Variants in ZBTB20 observed in about 807,000 individuals in gnomAD.
ZBTB20 encodes the protein zinc finger and BTB domain-containing protein 20.
In ZBTB20, 9 loss-of-function variants were observed where a neutral mutation model predicts 56.9. The observed-to-expected ratio is 0.16, with a 90% CI of 0.10 to 0.28. The LOEUF is 0.28. Ranked by LOEUF, ZBTB20 falls within the 10% of genes least tolerant of loss-of-function variation. The probability of loss-of-function intolerance (pLI) is 1.00; values close to 1 mark genes in which losing one functional copy is unlikely to be tolerated. For missense variants in ZBTB20, 655 were observed against 1,003.0 expected (o/e 0.65, Z 4.69); for synonymous variants, 417 against 420.7 (o/e 0.99, Z 0.11).
Position 115,087,442 on chromosome 3 carries a change from A to C in ZBTB20, c.-702-16028T>G, listed in dbSNP as rs141647553. On this transcript the variant is annotated intron_variant, in intron 1 of 11. Coordinates refer to ENST00000675478, the MANE Select transcript of ZBTB20 (RefSeq NM_001348800.3). The stretch of plus-strand genomic sequence containing the variant: ...GCTCAGCTAATTCTAATGGTTTTAA[A>C]AGTCTAAATATATTTAATAACTAGC... 4.6e-3 allele frequency among the ~76,000 whole-genome samples: 704 copies of C among 152,004 alleles called. 5 individuals carry two copies. Among genetic ancestry groups the C allele is most frequent in the South Asian group, 0.012 (60 of 4,822 alleles).
chr3:114,451,296 T>G (rs1039564635), intron 7 of ZBTB20, among the ~76,000 whole-genome samples: 10 of 152,082 alleles, frequency 6.6e-5, no homozygotes, highest in African/African-American at 1.9e-4. Flanking sequence ...CTTTTATTTC[T>G]CTCTCAACTC....
At chr3:114,620,638 G>C (rs562252592) in intron 6 of ZBTB20, among the ~76,000 whole-genome samples, 1 of 152,140 alleles carries the variant, frequency 6.6e-6, no homozygotes, top group Non-Finnish European at 1.5e-5. Context: ...TCAATGCACT[G>C]ACATGTAGAT....
intron 5 of ZBTB20, among the ~76,000 whole-genome samples, chr3:114,709,826 T>G (rs1008783595): frequency 5.3e-5 from 8 of 152,160 alleles, no homozygotes; most frequent in Non-Finnish European, 1.2e-4. Flanking sequence ...ACATATACAC[T>G]CTGCTGATGC....
At chr3:114,521,092 C>T (rs1314514708) in intron 6 of ZBTB20, among the ~76,000 whole-genome samples, 1 of 152,056 alleles carries the variant, frequency 6.6e-6, no homozygotes, top group Admixed American at 6.6e-5. Context: ...TTTCTTTACA[C>T]CTTTACCTGT....
At chr3:114,835,383 T>C (rs566746729) in intron 4 of ZBTB20, among the ~76,000 whole-genome samples, 1 of 152,170 alleles carries the variant, frequency 6.6e-6, no homozygotes, top group African/African-American at 2.4e-5. Flanking sequence ...TCAAAAAAGT[T>C]GTTTTTTTAA....
At chr3:114,953,298 A>G (rs1444943900) in intron 3 of ZBTB20, among the ~76,000 whole-genome samples, 2 of 152,022 alleles carry the variant, frequency 1.3e-5, no homozygotes, top group African/African-American at 4.8e-5. Context: ...CAAAACAGAA[A>G]ATGAAAAACA....
intron 6 of ZBTB20, among the ~76,000 whole-genome samples, chr3:114,600,017 C>T (rs1333551529): frequency 6.6e-6 from 1 of 151,928 alleles, no homozygotes; most frequent in African/African-American, 2.4e-5. Flanking sequence ...TTTTCCTCAC[C>T]TCTAAAATGG....
chr3:114,720,371 C>A (rs562512257), intron 5 of ZBTB20, among the ~76,000 whole-genome samples: 40 of 151,890 alleles, frequency 2.6e-4, no homozygotes, highest in Non-Finnish European at 4.7e-4. Context: ...TTCCTGACAA[C>A]CACAAAAAGT....
intron 7 of ZBTB20, among the ~76,000 whole-genome samples, chr3:114,439,541 G>A (rs543455863): frequency 2.0e-5 from 3 of 152,206 alleles, no homozygotes; most frequent in African/African-American, 7.2e-5. Context: ...GTAACATCAT[G>A]TCTAAAAAAT....
At chr3:115,114,760 C>T (rs1220556396) in intron 1 of ZBTB20, among the ~76,000 whole-genome samples, 1 of 152,046 alleles carries the variant, frequency 6.6e-6, no homozygotes, top group Non-Finnish European at 1.5e-5. Flanking sequence ...ACAGGTCCTT[C>T]AAAAAGCAGT....
chr3:114,483,862 C>T (rs2041822964), intron 7 of ZBTB20, among the ~76,000 whole-genome samples: 1 of 151,882 alleles, frequency 6.6e-6, no homozygotes, highest in Non-Finnish European at 1.5e-5. Flanking sequence ...TAATTATAGG[C>T]CACCTTTTCA....
In ZBTB20 at chr3:115,050,532, TA is replaced by T. The variant is rs2081506471; in HGVS notation, c.-507+20686del. 3.3e-5 allele frequency among the ~76,000 whole-genome samples: 5 copies of T among 152,124 alleles called. No individual in the cohort carries two copies. The South Asian group carries it at 6.2e-4, about 19-fold the overall frequency. ...TCAAACACCTTTATGTTTGTTTATA[TA>T]AAAATAATTTTAATACATTTTATAA... On this transcript the variant is annotated intron_variant, in intron 2 of 11. Transcript: ENST00000675478.
chr3:114,573,622 T>C (rs2053687637), intron 6 of ZBTB20, among the ~76,000 whole-genome samples: 1 of 150,660 alleles, frequency 6.6e-6, no homozygotes, highest in African/African-American at 2.4e-5. Context: ...AAAAATGAGG[T>C]TCTGGAACAT....
At chr3:114,389,762 G>A (rs548278910) in intron 7 of ZBTB20, among the ~76,000 whole-genome samples, 8 of 151,644 alleles carry the variant, frequency 5.3e-5, no homozygotes, top group African/African-American at 1.7e-4. Flanking sequence ...GATGGCGCAC[G>A]CCTGTAGTCC....
chr3:114,497,317 A>G (rs1254750420), intron 7 of ZBTB20, among the ~76,000 whole-genome samples: 1 of 152,058 alleles, frequency 6.6e-6, no homozygotes, highest in African/African-American at 2.4e-5. Context: ...AGCCTGCAGG[A>G]TCAAGTCCAA....
intron 4 of ZBTB20, among the ~76,000 whole-genome samples, chr3:114,823,900 T>G (rs1181719889): frequency 2.0e-5 from 3 of 152,048 alleles, no homozygotes; most frequent in African/African-American, 4.8e-5. Flanking sequence ...TTTGCCAAAT[T>G]TTGTTTTTAA....
At chr3:114,954,048 C>T (rs1284754795) in intron 3 of ZBTB20, among the ~76,000 whole-genome samples, 1 of 152,030 alleles carries the variant, frequency 6.6e-6, no homozygotes, top group Non-Finnish European at 1.5e-5. Context: ...AAGATGTAAA[C>T]TGAAAAGAAA....
At chr3:114,552,955 G>A (rs1447569853) in intron 6 of ZBTB20, among the ~76,000 whole-genome samples, 2 of 152,126 alleles carry the variant, frequency 1.3e-5, no homozygotes, top group African/African-American at 2.4e-5. Context: ...ATAAGTCCAA[G>A]CTAAACTAGT....
At chr3:114,798,188 A>T (rs1286744156) in intron 5 of ZBTB20, among the ~76,000 whole-genome samples, 1 of 151,842 alleles carries the variant, frequency 6.6e-6, no homozygotes, top group Non-Finnish European at 1.5e-5. Flanking sequence ...TGGTTTCATC[A>T]TGTCTGTAAG....
Sources: allele counts gnomAD v4.1 joint callset (sites outside exome capture counted in the v4.1 genomes callset), GRCh38; gene constraint gnomAD v4.1.1; transcripts MANE v1.5; gene names NCBI Gene and HGNC (gene_info 2026-07-23, HGNC 2026-07-21).